The following CNTN5 variants were observed in gnomAD, a reference collection of about 807,000 sequenced individuals.
CNTN5 encodes contactin 5.
A neutral mutation model predicts 129.1 loss-of-function variants in CNTN5; 77 were observed. That is an observed-to-expected ratio of 0.60 (90% CI 0.50 to 0.72). The LOEUF (loss-of-function observed/expected upper bound fraction) is 0.72, where lower values mean the gene tolerates loss of function less well. CNTN5 is among the 30% of genes least tolerant of loss of function. The probability of loss-of-function intolerance (pLI) is 0.00; values close to 1 mark genes in which losing one functional copy is unlikely to be tolerated. For synonymous variants in CNTN5, 509 were observed against 465.6 expected, an observed-to-expected ratio of 1.09 and a Z score of -1.20; for missense variants, 1,478 against 1,328.8, an observed-to-expected ratio of 1.11 and a Z score of -1.75.
chr11:99,903,160 C>A (rs1591391377), intron 6 of CNTN5, among the ~76,000 whole-genome samples: 1 of 151,974 alleles, frequency 6.6e-6, no homozygotes, highest in South Asian at 2.1e-4. Flanking sequence ...GATCAGGAGG[C>A]CAGGACTATT....
At chr11:99,972,251 ACT>A (rs1289167124) in intron 8 of CNTN5, among the ~76,000 whole-genome samples, 4 of 152,130 alleles carry the variant, frequency 2.6e-5, no homozygotes, top group East Asian at 3.9e-4. Flanking sequence ...ACAGGGCGAG[ACT>A]CTGTTTCAAA....
chr11:100,233,161 T>A (rs1186633068), intron 16 of CNTN5, among the ~76,000 whole-genome samples: 1 of 152,196 alleles, frequency 6.6e-6, no homozygotes, highest in Non-Finnish European at 1.5e-5. Context: ...ATTGTTTCAA[T>A]TTCATTGATC....
chr11:99,805,549 A>T (rs958273791), intron 3 of CNTN5, among the ~76,000 whole-genome samples: 1 of 152,144 alleles, frequency 6.6e-6, no homozygotes, highest in Non-Finnish European at 1.5e-5. Flanking sequence ...TGCAATCACT[A>T]CTCATTAGGG....
chr11:99,312,851 G>A (rs774811907), intron 1 of CNTN5, among the ~76,000 whole-genome samples: 7 of 151,526 alleles, frequency 4.6e-5, no homozygotes, highest in Non-Finnish European at 7.4e-5. Flanking sequence ...CAAATAAATG[G>A]CCTAAACAAT....
At chr11:99,302,457 A>T (rs970037283) in intron 1 of CNTN5, among the ~76,000 whole-genome samples, 2 of 151,808 alleles carry the variant, frequency 1.3e-5, no homozygotes, top group Non-Finnish European at 3.0e-5. Flanking sequence ...TAAAAATTAG[A>T]TAACTTAGAG....
At chr11:99,479,929 C>T (rs1488342071) in intron 2 of CNTN5, among the ~76,000 whole-genome samples, 1 of 151,028 alleles carries the variant, frequency 6.6e-6, no homozygotes, top group Non-Finnish European at 1.5e-5. Context: ...TGGATAAAGA[C>T]CTATTAGACC....
chr11:99,175,626 A>G (rs1415707835), intron 1 of CNTN5, among the ~76,000 whole-genome samples: 2 of 152,206 alleles, frequency 1.3e-5, no homozygotes, highest in African/African-American at 2.4e-5. Flanking sequence ...TAGGAACACT[A>G]AATGAAAAAT....
At chr11:99,591,177 T>C (rs1175175573) in intron 3 of CNTN5, among the ~76,000 whole-genome samples, 2 of 152,086 alleles carry the variant, frequency 1.3e-5, no homozygotes, top group Non-Finnish European at 2.9e-5. Flanking sequence ...CGTGTATCTT[T>C]TTGATGGTTC....
Position 100,268,834 on chromosome 11 carries a change from CGAA to C in CNTN5, c.2165-2255_2165-2253del, listed in dbSNP as rs144740602. The stretch of plus-strand genomic sequence containing the variant: ...AGAAAGAAAGGAGTCCAGGACGGCC[CGAA>C]GATTTGGGATACAACATCTGTAAGA... On this transcript the variant is annotated intron_variant, in intron 17 of 24. Transcript: ENST00000524871. 8.7e-3 allele frequency among the ~76,000 whole-genome samples: 1,326 copies of C among 152,090 alleles called. 22 individuals carry two copies. Among genetic ancestry groups the C allele is most frequent in the African/African-American group, 0.03 (1,255 of 41,494 alleles).
At chr11:99,802,973 G>A (rs1044114608) in intron 3 of CNTN5, among the ~76,000 whole-genome samples, 3 of 152,238 alleles carry the variant, frequency 2.0e-5, no homozygotes, top group African/African-American at 7.2e-5. Context: ...TAGGCATGGA[G>A]TGGAGAGGGT....
chr11:99,633,631 A>G (rs1257683749), intron 3 of CNTN5, among the ~76,000 whole-genome samples: 1 of 152,188 alleles, frequency 6.6e-6, no homozygotes, highest in Non-Finnish European at 1.5e-5. Flanking sequence ...CAAAACAACA[A>G]CAGTAAAACA....
intron 3 of CNTN5, among the ~76,000 whole-genome samples, chr11:99,730,523 A>G (rs940416619): frequency 6.6e-6 from 1 of 152,180 alleles, no homozygotes; most frequent in Non-Finnish European, 1.5e-5. Flanking sequence ...AAATCATTCA[A>G]TGAGTATTGG....
rs1555147173 is a variant in CNTN5, at chr11:99,889,326, G to GTGTGTT, written c.578-26723_578-26722insTTGTGT. On this transcript the variant is annotated intron_variant, in intron 6 of 24. Transcript: ENST00000524871. ...TGTGTGTGTGTGTGTGTGTGTGTGT[G>GTGTGTT]TGTGTGTGTGTGTGTGTGTGTGTGT... 4.4e-3 allele frequency among the ~76,000 whole-genome samples: 84 copies of GTGTGTT among 18,924 alleles called. 2 individuals carry two copies. The highest frequency in any genetic ancestry group is 7.8e-3 in the African/African-American group (82 of 10,484). 12.4% of individuals were successfully genotyped at this position (18,924 alleles called of 152,430 possible). A position where few individuals can be genotyped will look rare whatever the true frequency, so the allele number is the denominator to read the frequency against.
intron 2 of CNTN5, among the ~76,000 whole-genome samples, chr11:99,443,891 C>G (rs1217823526): frequency 6.6e-6 from 1 of 152,094 alleles, no homozygotes; most frequent in East Asian, 1.9e-4. Context: ...TCTATTGAGA[C>G]TTTCAGTAAC....
chr11:99,354,116 T>G (rs1938482399), intron 2 of CNTN5, among the ~76,000 whole-genome samples: 1 of 152,182 alleles, frequency 6.6e-6, no homozygotes, highest in African/African-American at 2.4e-5. Flanking sequence ...AACTACAGGT[T>G]TCTTAAGAAT....
intron 13 of CNTN5, among the ~76,000 whole-genome samples, chr11:100,137,940 A>G (rs936934104): frequency 6.6e-6 from 1 of 152,142 alleles, no homozygotes; most frequent in Non-Finnish European, 1.5e-5. Context: ...GGAAATATCT[A>G]GGTGAGTCCC....
chr11:99,164,322 CAAAAAAAAAAA>C (rs35669418), intron 1 of CNTN5, among the ~76,000 whole-genome samples: 2 of 49,072 alleles, frequency 4.1e-5, no homozygotes, highest in African/African-American at 1.5e-4. Context: ...CACTCCATCT[CAAAAAAAAAAA>C]AAAAAAAAAG....
In CNTN5 at chr11:99,620,508, C is replaced by CTTTTCTTTTT. The variant is rs1565356098; in HGVS notation, c.55+64243_55+64244insCTTTTTTTTT. Among the ~76,000 whole-genome samples, 6 of 107,008 alleles carry CTTTTCTTTTT rather than the reference C, an allele frequency of 5.6e-5. 1 individual carries two copies. Among genetic ancestry groups the CTTTTCTTTTT allele is most frequent in the African/African-American group, 9.3e-5 (3 of 32,104 alleles). 70.2% of individuals were successfully genotyped at this position (107,008 alleles called of 152,430 possible). A position where few individuals can be genotyped will look rare whatever the true frequency, so the allele number is the denominator to read the frequency against. On this transcript the variant is annotated intron_variant, in intron 3 of 24. Coordinates refer to ENST00000524871, the MANE Select transcript of CNTN5 (RefSeq NM_014361.4). ...GATCTTAAAACTCTTTTTTTCTTTT[C>CTTTTCTTTTT]TTTTTTTTTTTTTTCTTTTTGCTCT...
At chr11:99,192,259 C>CA (rs1858682965) in intron 1 of CNTN5, among the ~76,000 whole-genome samples, 2 of 151,544 alleles carry the variant, frequency 1.3e-5, no homozygotes, top group Non-Finnish European at 3.0e-5. Context: ...TATATGCCAA[C>CA]AAATTGGATA....
Sources: gnomAD v4.1 joint callset for allele counts (sites outside exome capture counted in the v4.1 genomes callset) on GRCh38, gnomAD v4.1.1 for gene constraint, MANE v1.5 for transcripts, NCBI Gene and HGNC (gene_info 2026-07-23, HGNC 2026-07-21) for gene names.